The following CFAP69 variants were observed in gnomAD, a reference collection of about 807,000 sequenced individuals.
CFAP69 encodes the protein cilia and flagella associated protein 69, also known as cilia- and flagella-associated protein 69.
A neutral mutation model predicts 123.0 loss-of-function variants in CFAP69; 92 were observed. The observed-to-expected ratio is 0.75, with a 90% CI of 0.63 to 0.89. The LOEUF (loss-of-function observed/expected upper bound fraction) is 0.89, where lower values mean the gene tolerates loss of function less well. Ranked by LOEUF, CFAP69 falls within the 40% of genes least tolerant of loss-of-function variation. The probability of loss-of-function intolerance (pLI) is 0.00; values close to 1 mark genes in which losing one functional copy is unlikely to be tolerated. For synonymous variants in CFAP69, 380 were observed against 364.3 expected (o/e 1.04, Z -0.49); for missense variants, 1,067 against 1,096.9 (o/e 0.97, Z 0.39).
At chr7:90,303,258 T>A (rs1208750180) in intron 17 of CFAP69, 2 of 152,146 alleles carry the variant, frequency 1.3e-5, no homozygotes, top group Admixed American at 1.3e-4. Context: ...TCATGTCATC[T>A]GCAAACAGGG....
intron 19 of CFAP69, 43 bp downstream of exon 19, chr7:90,304,863 C>A: frequency 8.4e-7 from 1 of 1,189,556 alleles, no homozygotes; most frequent in Non-Finnish European, 1.2e-6. Context: ...ATCTAGATAG[C>A]AAAAAATTAA....
At chr7:90,322,564 T>C in the CFAP69 span, 2 of 152,216 alleles carry the variant, frequency 1.3e-5, no homozygotes, top group African/African-American at 4.8e-5. Context: ...CCTTCTAAAA[T>C]GAATTGGCTC....
intron 15 of CFAP69, among the ~76,000 whole-genome samples, chr7:90,293,338 C>T (rs1017898344): frequency 1.3e-5 from 2 of 152,054 alleles, no homozygotes; most frequent in Non-Finnish European, 2.9e-5. Flanking sequence ...TCTCATAAAC[C>T]TTTTATAACC....
intron 14 of CFAP69, 28 bp downstream of exon 14, chr7:90,286,427 A>C: frequency 6.2e-7 from 1 of 1,605,896 alleles, no homozygotes; most frequent in Non-Finnish European, 8.5e-7. Flanking sequence ...AGTTTTGTTC[A>C]GGTCTCCCAG....
chr7:90,302,280 A>T (rs941822362), intron 17 of CFAP69: 2 of 152,142 alleles, frequency 1.3e-5, no homozygotes, highest in Non-Finnish European at 2.9e-5. Flanking sequence ...TTGGCTTTTC[A>T]TCCTGTTGAT....
At chr7:90,255,004 G>C (rs1440831740) in intron 1 of CFAP69, among the ~76,000 whole-genome samples, 1 of 152,090 alleles carries the variant, frequency 6.6e-6, no homozygotes, top group Admixed American at 6.5e-5. Context: ...GAAGAATGCT[G>C]GTACTAACTG....
intron 1 of CFAP69, 44 bp from the exon 2 acceptor site, chr7:90,255,379 A>T (rs1797519987): frequency 6.8e-7 from 1 of 1,460,932 alleles, no homozygotes; most frequent in Middle Eastern, 2.0e-4. Context: ...TGACTTATTG[A>T]TATAGAAGAT....
intron 19 of CFAP69, among the ~76,000 whole-genome samples, chr7:90,305,698 A>T (rs1370959968): frequency 6.7e-6 from 1 of 150,014 alleles, no homozygotes; most frequent in African/African-American, 2.4e-5. Flanking sequence ...TTGAAATTAA[A>T]TAAGTTTTTA....
At chr7:90,274,563 G>C (rs1223663242) in intron 9 of CFAP69, among the ~76,000 whole-genome samples, 1 of 152,038 alleles carries the variant, frequency 6.6e-6, no homozygotes, top group Admixed American at 6.5e-5. Flanking sequence ...TTTTTGTTTA[G>C]CATTTCAAAG....
intron 8 of CFAP69, among the ~76,000 whole-genome samples, chr7:90,272,608 T>G (rs1049768304): frequency 3.3e-5 from 5 of 152,064 alleles, no homozygotes; most frequent in South Asian, 2.1e-4. Flanking sequence ...TATAGAAAAT[T>G]TATGGCTTAT....
chr7:90,283,342 A>G (rs1308449006), intron 13 of CFAP69, among the ~76,000 whole-genome samples: 1 of 152,158 alleles, frequency 6.6e-6, no homozygotes, highest in African/African-American at 2.4e-5. Context: ...TTCTTTTAGT[A>G]ATAAAGGTCA....
At chr7:90,286,760 C>A (rs1029801804) in intron 14 of CFAP69, among the ~76,000 whole-genome samples, 1 of 152,070 alleles carries the variant, frequency 6.6e-6, no homozygotes, top group Non-Finnish European at 1.5e-5. Flanking sequence ...TCTTTTATGT[C>A]TGGATTCTGT....
At chr7:90,323,180 C>T in the CFAP69 span, among the ~76,000 whole-genome samples, 1 of 152,244 alleles carries the variant, frequency 6.6e-6, no homozygotes, top group African/African-American at 2.4e-5. Flanking sequence ...TGTCTACCCC[C>T]AAGTCAGTGA....
downstream of CFAP69, among the ~76,000 whole-genome samples, chr7:90,315,441 T>C (rs1176205071): frequency 6.6e-6 from 1 of 152,228 alleles, no homozygotes; most frequent in Admixed American, 6.5e-5. Context: ...AATGAGATCA[T>C]GTCTTTTGCA....
chr7:90,322,999 C>T, the CFAP69 span, among the ~76,000 whole-genome samples: 13 of 152,220 alleles, frequency 8.5e-5, no homozygotes, highest in African/African-American at 2.9e-4. Context: ...TATTGTCTTC[C>T]CCAAATGAAG....
In CFAP69 at chr7:90,286,414, G is replaced by T; in HGVS notation, c.1656+15G>T. 6.2e-7 allele frequency: 1 copy of T among 1,608,520 alleles called. No individual in the cohort carries two copies. Among genetic ancestry groups the T allele is most frequent in the South Asian group, 1.1e-5 (1 of 89,568 alleles). On this transcript the variant is annotated intron_variant, in intron 14 of 22. Transcript: ENST00000389297. ...TTCAAAGGAAGGTATGTATGCCTGT[G>T]AAAGTTTTGTTCAGGTCTCCCAGTC...
chr7:90,272,809 C>T (rs923200291), intron 8 of CFAP69, among the ~76,000 whole-genome samples: 1 of 151,844 alleles, frequency 6.6e-6, no homozygotes, highest in East Asian at 1.9e-4. Context: ...AGAAGAGAAA[C>T]CTTGCTATCC....
intron 19 of CFAP69, among the ~76,000 whole-genome samples, chr7:90,305,407 A>C (rs555633126): frequency 1.4e-5 from 2 of 144,902 alleles, no homozygotes; most frequent in Non-Finnish European, 3.1e-5. Flanking sequence ...AATTATTTTT[A>C]TGAGATGGAG....
rs776216694 is a variant in CFAP69, at chr7:90,279,688, T to C, written c.1167T>C (p.Asp389=). Residue 389 remains aspartate (D), a synonymous_variant, in exon 12 of 23, where the codon GAT becomes GAC. Coordinates refer to ENST00000389297, the MANE Select transcript of CFAP69 (RefSeq NM_001039706.3). The part of the protein sequence containing the change: ...KDLPTVQLLI[D]GKVILALFTY... ...GTTCTTTCTCACAGCTATTAATTGA[T>C]GGCAAAGTTATTTTGGCTTTGTTTA... 6.2e-7 allele frequency: 1 copy of C among 1,601,000 alleles called. No individual in the cohort carries two copies. The highest frequency in any genetic ancestry group is 2.3e-5 in the East Asian group (1 of 44,430).
Sources: gnomAD v4.1 joint callset for allele counts (sites outside exome capture counted in the v4.1 genomes callset) on GRCh38, gnomAD v4.1.1 for gene constraint, MANE v1.5 for transcripts, NCBI Gene and HGNC (gene_info 2026-07-23, HGNC 2026-07-21) for gene names.